Variants in MAPK4 observed in about 807,000 individuals in gnomAD.
MAPK4 encodes the protein Erk3-related.
MAPK4 carries 22 observed loss-of-function variants against 47.7 expected under a neutral mutation model. The ratio of observed to expected loss-of-function variants is 0.46; its 90% CI spans 0.33 to 0.66. The LOEUF (loss-of-function observed/expected upper bound fraction) is 0.66. Among genes scored for constraint, MAPK4 ranks in the 30% least tolerant of loss-of-function variants. MAPK4 has a pLI of 0.02. For synonymous variants in MAPK4, 390 were observed against 365.7 expected (o/e 1.07, Z -0.76); for missense variants, 736 against 831.7 (o/e 0.88, Z 1.42).
intron 2 of MAPK4, among the ~76,000 whole-genome samples, chr18:50,700,255 A>G (rs907113886): frequency 3.3e-5 from 5 of 152,186 alleles, no homozygotes; most frequent in Non-Finnish European, 5.9e-5. Flanking sequence ...CACTCCTGTC[A>G]CTCAGGAAAT....
At chr18:50,677,968 C>T (rs1464405951) in intron 2 of MAPK4, among the ~76,000 whole-genome samples, 10 of 152,214 alleles carry the variant, frequency 6.6e-5, no homozygotes, top group Non-Finnish European at 8.8e-5. Context: ...TCCATGCCCC[C>T]GGGAAATAGG....
chr18:50,645,169 GCA>G (rs2042977078), intron 1 of MAPK4, among the ~76,000 whole-genome samples: 1 of 152,162 alleles, frequency 6.6e-6, no homozygotes, highest in Admixed American at 6.5e-5. Flanking sequence ...AACATCTACA[GCA>G]CTGGGATTAA....
At chr18:50,632,616 A>AC (rs2042841263) in intron 1 of MAPK4, among the ~76,000 whole-genome samples, 1 of 122,330 alleles carries the variant, frequency 8.2e-6, no homozygotes, top group East Asian at 2.3e-4. Flanking sequence ...GTCTGGTTTA[A>AC]TTTTTTTTTT....
chr18:50,679,265 G>A (rs183667903), intron 2 of MAPK4, among the ~76,000 whole-genome samples: 37 of 152,270 alleles, frequency 2.4e-4, no homozygotes, highest in Admixed American at 3.9e-4. Context: ...GTGTGCTTCC[G>A]TGCAGGTCTT....
At chr18:50,615,731 A>G (rs1431506684) in intron 1 of MAPK4, among the ~76,000 whole-genome samples, 1 of 152,216 alleles carries the variant, frequency 6.6e-6, no homozygotes, top group Non-Finnish European at 1.5e-5. Flanking sequence ...GGGAGGGATA[A>G]TGATAATTTA....
chr18:50,631,818 T>G (rs754047867), intron 1 of MAPK4, among the ~76,000 whole-genome samples: 2 of 152,218 alleles, frequency 1.3e-5, no homozygotes, highest in Non-Finnish European at 2.9e-5. Context: ...CTGATTAGAA[T>G]GTGTTTTCAG....
intron 3 of MAPK4, among the ~76,000 whole-genome samples, chr18:50,718,635 GGAATTA>G (rs1354256807): frequency 2.0e-5 from 3 of 152,038 alleles, no homozygotes; most frequent in African/African-American, 7.2e-5. Flanking sequence ...CAGCAATGAG[GGAATTA>G]TTCAGTGCTA....
intron 2 of MAPK4, among the ~76,000 whole-genome samples, chr18:50,702,334 A>T (rs568269394): frequency 2.0e-4 from 31 of 152,130 alleles, no homozygotes; most frequent in African/African-American, 7.0e-4. Context: ...TCGGAGGATC[A>T]CTTGAGCCCA....
At position 50,624,883 on chromosome 18, in the gene MAPK4, G is replaced by A. The variant is rs139409254; in HGVS notation, c.-870-38206G>A. Among the ~76,000 whole-genome samples, 145 of 152,122 alleles carry A rather than the reference G, an allele frequency of 9.5e-4. 1 individual carries two copies. The highest frequency in any genetic ancestry group is 2.6e-3 in the Admixed American group (39 of 15,284). On this transcript the variant is annotated intron_variant, in intron 1 of 5. Transcript: ENST00000400384. ...GCCTGGGATCTAGAGAACTTGCTGT[G>A]TTCAGAAAGTGACACCTGAGAGCAC...
Position 50,623,978 on chromosome 18 carries a change from C to G in MAPK4, c.-870-39111C>G, listed in dbSNP as rs1207466954. Among the ~76,000 whole-genome samples the G allele has an allele frequency of 2.0e-5, 3 of 152,236 alleles. No homozygotes were observed. In the East Asian group the frequency reaches 5.8e-4, roughly 29 times the overall value. ...TGGCTACATGGGTGGCCCCTTCTTA[C>G]CTTTCAGGTCTCAGGCCACGTGATT... On this transcript the variant is annotated intron_variant, in intron 1 of 5. Transcript: ENST00000400384.
intron 2 of MAPK4, among the ~76,000 whole-genome samples, chr18:50,711,956 C>T (rs1256408304): frequency 6.6e-6 from 1 of 152,014 alleles, no homozygotes; most frequent in Non-Finnish European, 1.5e-5. Flanking sequence ...ACACCCAGGG[C>T]TCAGCTCAGC....
intron 1 of MAPK4, among the ~76,000 whole-genome samples, chr18:50,582,676 C>T (rs893285195): frequency 6.6e-6 from 1 of 152,260 alleles, no homozygotes; most frequent in Non-Finnish European, 1.5e-5. Flanking sequence ...CTCACTCCAC[C>T]TGCTTGGCCT....
intron 1 of MAPK4, among the ~76,000 whole-genome samples, chr18:50,601,903 T>C (rs560886838): frequency 6.6e-6 from 1 of 152,258 alleles, no homozygotes; most frequent in East Asian, 1.9e-4. Flanking sequence ...TAGCTTTCTT[T>C]TCTCATCTCT....
At chr18:50,632,404 G>A (rs773882683) in intron 1 of MAPK4, among the ~76,000 whole-genome samples, 3 of 152,022 alleles carry the variant, frequency 2.0e-5, no homozygotes, top group Non-Finnish European at 4.4e-5. Context: ...TCATTCCAGT[G>A]CCCGTCTCAA....
rs181311263 is a variant in MAPK4 at position 50,587,718 on chromosome 18, C to T, written c.-871+27475C>T. ...GTTTGGAATTCTCTGTCTAGATGGT[C>T]GATGATGTTGTTTCTTTCTTTCTTT... is the stretch of plus-strand genomic sequence containing the variant. On this transcript the variant is annotated intron_variant, in intron 1 of 5. Coordinates refer to ENST00000400384, the MANE Select transcript of MAPK4 (RefSeq NM_002747.4). 1.6e-4 allele frequency among the ~76,000 whole-genome samples: 25 copies of T among 152,072 alleles called. No homozygotes were observed. In the East Asian group the frequency reaches 4.6e-3, roughly 28 times the overall value.
intron 1 of MAPK4, among the ~76,000 whole-genome samples, chr18:50,648,521 G>T (rs1327306051): frequency 1.3e-5 from 2 of 152,168 alleles, no homozygotes; most frequent in Non-Finnish European, 2.9e-5. Flanking sequence ...GATTGCAGGG[G>T]ATGCAGGAGG....
chr18:50,625,925 C>T (rs1396400202), intron 1 of MAPK4, among the ~76,000 whole-genome samples: 1 of 87,018 alleles, frequency 1.1e-5, no homozygotes, highest in South Asian at 3.9e-4. Flanking sequence ...CACACACACA[C>T]ACATATATAA....
intron 1 of MAPK4, among the ~76,000 whole-genome samples, chr18:50,638,446 C>G (rs1335149348): frequency 6.6e-6 from 1 of 152,212 alleles, no homozygotes; most frequent in Non-Finnish European, 1.5e-5. Context: ...GGCATCAGCA[C>G]TTTTAATACA....
intron 1 of MAPK4, among the ~76,000 whole-genome samples, chr18:50,586,402 T>C (rs542150073): frequency 6.6e-6 from 1 of 151,610 alleles, no homozygotes; most frequent in South Asian, 2.1e-4. Flanking sequence ...AATTACCTTC[T>C]TCTGCTTGAG....
Sources: allele counts gnomAD v4.1 joint callset (sites outside exome capture counted in the v4.1 genomes callset), GRCh38; gene constraint gnomAD v4.1.1; transcripts MANE v1.5; gene names NCBI Gene and HGNC (gene_info 2026-07-23, HGNC 2026-07-21).